Variants in EXT1 observed in about 807,000 individuals in gnomAD.
EXT1 encodes the protein exostosin-1.
In EXT1, 20 loss-of-function variants were observed where a neutral mutation model predicts 82.5. That is an observed-to-expected ratio of 0.24 (90% CI 0.17 to 0.35). The LOEUF is 0.35. EXT1 is among the 10% of genes least tolerant of loss of function. EXT1 has a pLI of 1.00. For missense variants in EXT1, 757 were observed against 936.5 expected, an observed-to-expected ratio of 0.81 and a Z score of 2.50; for synonymous variants, 348 against 350.8, an observed-to-expected ratio of 0.99 and a Z score of 0.09.
chr8:117,876,431 A>G (rs898250315), intron 1 of EXT1, among the ~76,000 whole-genome samples: 1 of 152,220 alleles, frequency 6.6e-6, no homozygotes, highest in African/African-American at 2.4e-5. Flanking sequence ...TAGACTCCAG[A>G]CCCAGAGAGT....
chr8:118,061,671 C>T (rs1816883528), intron 1 of EXT1, among the ~76,000 whole-genome samples: 1 of 152,160 alleles, frequency 6.6e-6, no homozygotes, highest in Admixed American at 6.5e-5. Flanking sequence ...TCAACTTGCA[C>T]CTCATTATTC....
chr8:117,930,623 G>A (rs1814041248), intron 1 of EXT1, among the ~76,000 whole-genome samples: 1 of 152,180 alleles, frequency 6.6e-6, no homozygotes, highest in Non-Finnish European at 1.5e-5. Context: ...ATTTATATAA[G>A]TAACATGACA....
chr8:117,796,349 C>A lies in EXT1; in HGVS notation c.*3363G>T, dbSNP rs1823087439. 6.8e-6 allele frequency: 1 copy of A among 148,048 alleles called. No homozygotes were observed. Among genetic ancestry groups the A allele is most frequent in the Non-Finnish European group, 1.5e-5 (1 of 66,968 alleles). 9.2% of individuals were successfully genotyped at this position (148,048 alleles called of 1,614,324 possible). On this transcript the variant is annotated 3_prime_UTR_variant, in exon 11 of 11. Coordinates refer to ENST00000378204, the MANE Select transcript of EXT1 (RefSeq NM_000127.3). ...CCTTTAAACAGGTTTGTTCTTAAAT[C>A]AAGTGCCCTGTTTTTTTTTTTTTTA...
chr8:117,872,478 C>T (rs1035997266), intron 1 of EXT1, among the ~76,000 whole-genome samples: 4 of 150,766 alleles, frequency 2.7e-5, no homozygotes, highest in African/African-American at 9.8e-5. Context: ...GATAAGAACT[C>T]AGAATAACAC....
At chr8:117,956,054 A>G (rs1246370308) in intron 1 of EXT1, among the ~76,000 whole-genome samples, 3 of 152,350 alleles carry the variant, frequency 2.0e-5, no homozygotes, top group East Asian at 1.9e-4. Context: ...AAATGATTTT[A>G]GAGTATTTGC....
intron 1 of EXT1, among the ~76,000 whole-genome samples, chr8:118,058,607 A>AT (rs150119323): frequency 6.6e-6 from 1 of 152,018 alleles, no homozygotes; most frequent in African/African-American, 2.4e-5. Flanking sequence ...AAGAACTAGA[A>AT]TTTTTTTTCA....
At chr8:118,011,739 G>A (rs914752279) in intron 1 of EXT1, among the ~76,000 whole-genome samples, 1 of 152,152 alleles carries the variant, frequency 6.6e-6, no homozygotes, top group African/African-American at 2.4e-5. Flanking sequence ...CTTTCATTTG[G>A]TTTTCCCAAG....
chr8:117,931,440 T>C (rs1814060143), intron 1 of EXT1, among the ~76,000 whole-genome samples: 1 of 151,092 alleles, frequency 6.6e-6, no homozygotes, highest in Non-Finnish European at 1.5e-5. Context: ...TACAATGATA[T>C]ATATATTTTG....
intron 1 of EXT1, among the ~76,000 whole-genome samples, chr8:117,943,197 A>C (rs1447143764): frequency 1.3e-5 from 2 of 152,250 alleles, no homozygotes; most frequent in Non-Finnish European, 2.9e-5. Context: ...AATGGTTTTA[A>C]GTCTTTAATG....
intron 1 of EXT1, among the ~76,000 whole-genome samples, chr8:117,919,715 A>G (rs1813820579): frequency 6.6e-6 from 1 of 151,956 alleles, no homozygotes; most frequent in Non-Finnish European, 1.5e-5. Context: ...ATGTTGTCCA[A>G]GCTGGTCTTA....
In EXT1 at chr8:117,953,605, A is replaced by T. The variant is rs115692722; in HGVS notation, c.963-116404T>A. The stretch of plus-strand genomic sequence containing the variant: ...ACCAGCGCCAAATTACTGAGAGTGA[A>T]TGATGCCTCTGCTCCCATTTCAGAT... On this transcript the variant is annotated intron_variant, in intron 1 of 10. Transcript: ENST00000378204. Among the ~76,000 whole-genome samples the T allele has an allele frequency of 2.5e-3, 382 of 152,132 alleles. 2 individuals are homozygous for T. The highest frequency in any genetic ancestry group is 8.5e-3 in the African/African-American group (354 of 41,502).
chr8:117,835,753 T>C (rs1298419287), intron 2 of EXT1, among the ~76,000 whole-genome samples: 1 of 152,310 alleles, frequency 6.6e-6, no homozygotes, highest in Admixed American at 6.5e-5. Flanking sequence ...GATTTTAATA[T>C]TTGCAAGTCT....
intron 1 of EXT1, among the ~76,000 whole-genome samples, chr8:117,880,496 T>A (rs1269354333): frequency 6.6e-6 from 1 of 152,196 alleles, no homozygotes; most frequent in Non-Finnish European, 1.5e-5. Flanking sequence ...TGTTTTCTTA[T>A]GAATGTTTAA....
rs964649324 is a variant in EXT1, at chr8:117,809,340, A to G, written c.1723-1963T>C. Among the ~76,000 whole-genome samples, 6 of 150,440 alleles carry G rather than the reference A, an allele frequency of 4.0e-5. No homozygotes were observed. The South Asian group carries it at 1.1e-3, about 26-fold the overall frequency. On this transcript the variant is annotated intron_variant, in intron 8 of 10. Transcript: ENST00000378204. ...AAAATATGGCTTGTTCCCCAAAACT[A>G]TAACATCCACACGGGGCCAGGCACA...
chr8:117,924,799 G>T (rs1419802450), intron 1 of EXT1, among the ~76,000 whole-genome samples: 2 of 152,174 alleles, frequency 1.3e-5, no homozygotes, highest in East Asian at 3.8e-4. Flanking sequence ...ATTGGAGTCT[G>T]CCAGTTCAAA....
At chr8:118,061,794 G>A (rs1286940569) in intron 1 of EXT1, among the ~76,000 whole-genome samples, 1 of 152,190 alleles carries the variant, frequency 6.6e-6, no homozygotes, top group East Asian at 1.9e-4. Context: ...CTAGTAAAAT[G>A]TTCAGTAAAC....
At chr8:118,005,631 G>A (rs1815757732) in intron 1 of EXT1, among the ~76,000 whole-genome samples, 1 of 152,204 alleles carries the variant, frequency 6.6e-6, no homozygotes, top group South Asian at 2.1e-4. Context: ...CTAAGTGATT[G>A]AGCCAGGATT....
intron 1 of EXT1, among the ~76,000 whole-genome samples, chr8:117,967,994 C>T (rs949564574): frequency 1.3e-5 from 2 of 152,186 alleles, no homozygotes; most frequent in Non-Finnish European, 2.9e-5. Context: ...AAATGGGTAG[C>T]CATGCAAGAT....
chr8:117,950,455 CT>C (rs1814471603), intron 1 of EXT1, among the ~76,000 whole-genome samples: 1 of 152,150 alleles, frequency 6.6e-6, no homozygotes, highest in African/African-American at 2.4e-5. Context: ...CAGATAATGC[CT>C]GCTGTTCCCA....
Sources: gnomAD v4.1 joint callset for allele counts (sites outside exome capture counted in the v4.1 genomes callset) on GRCh38, gnomAD v4.1.1 for gene constraint, MANE v1.5 for transcripts, NCBI Gene and HGNC (gene_info 2026-07-23, HGNC 2026-07-21) for gene names.